The following PRLR variants were observed in gnomAD, a reference collection of about 807,000 sequenced individuals.
PRLR encodes the protein hPRL receptor.
A neutral mutation model predicts 40.2 loss-of-function variants in PRLR; 13 were observed. That is an observed-to-expected ratio of 0.32 (90% confidence interval 0.21 to 0.51). The LOEUF (loss-of-function observed/expected upper bound fraction) is 0.51, where lower values mean the gene tolerates loss of function less well. Among genes scored for constraint, PRLR ranks in the 20% least tolerant of loss-of-function variants. The pLI, the probability that PRLR is intolerant of heterozygous loss-of-function variation, is 0.97. For missense variants in PRLR, 656 were observed against 747.3 expected, an observed-to-expected ratio of 0.88 and a Z score of 1.42; for synonymous variants, 269 against 278.7, an observed-to-expected ratio of 0.97 and a Z score of 0.35.
chr5:35,171,178 T>C (rs1000361725), intron 1 of PRLR, among the ~76,000 whole-genome samples: 1 of 152,066 alleles, frequency 6.6e-6, no homozygotes, highest in Admixed American at 6.6e-5. Context: ...CCATAATTAC[T>C]GCAGCAAACA....
intron 1 of PRLR, among the ~76,000 whole-genome samples, chr5:35,169,130 T>G (rs1774928406): frequency 6.6e-6 from 1 of 152,144 alleles, no homozygotes; most frequent in African/African-American, 2.4e-5. Context: ...TGTATAGGCT[T>G]TCATTCCAGC....
chr5:35,136,711 C>T (rs1198830236), intron 1 of PRLR, among the ~76,000 whole-genome samples: 3 of 152,132 alleles, frequency 2.0e-5, no homozygotes, highest in African/African-American at 4.8e-5. Flanking sequence ...TCAACCTCAC[C>T]GGCTCCCACT....
chr5:35,176,525 C>T (rs868019570), intron 1 of PRLR, among the ~76,000 whole-genome samples: 7 of 152,182 alleles, frequency 4.6e-5, no homozygotes, highest in African/African-American at 1.4e-4. Context: ...CCCCCAACCC[C>T]GTGCTCTCTG....
At chr5:35,208,359 C>G (rs1311999749) in intron 1 of PRLR, among the ~76,000 whole-genome samples, 3 of 152,168 alleles carry the variant, frequency 2.0e-5, no homozygotes, top group African/African-American at 4.8e-5. Context: ...TCCCCCAGGT[C>G]CAGATCAGGT....
intron 1 of PRLR, among the ~76,000 whole-genome samples, chr5:35,146,658 C>T (rs1774189707): frequency 1.3e-5 from 2 of 152,186 alleles, no homozygotes; most frequent in Non-Finnish European, 2.9e-5. Flanking sequence ...AGACTTAATT[C>T]CTCTCTCTGC....
intron 1 of PRLR, among the ~76,000 whole-genome samples, chr5:35,183,383 G>A (rs1242054244): frequency 3.3e-5 from 5 of 152,050 alleles, no homozygotes; most frequent in African/African-American, 1.2e-4. Flanking sequence ...TTTCCTTGTC[G>A]CCCCCCAATG....
chr5:35,064,483 A>G lies in PRLR; in HGVS notation c.*606T>C, dbSNP rs1012471583. ...TTTAGGGGGAAAATCCATGCTTAAC[A>G]TATCTAAACTATTTTAAGAAAAAAT... On this transcript the variant is annotated 3_prime_UTR_variant, in exon 10 of 10. Coordinates refer to ENST00000618457, the MANE Select transcript of PRLR (RefSeq NM_000949.7). The G allele has an allele frequency of 6.6e-6, 1 of 152,650 alleles. No homozygotes were observed. The highest frequency in any genetic ancestry group is 1.5e-5 in the Non-Finnish European group (1 of 68,046). 9.5% of individuals were successfully genotyped at this position (152,650 alleles called of 1,614,324 possible). A position where few individuals can be genotyped will look rare whatever the true frequency, so the allele number is the denominator to read the frequency against.
At chr5:35,200,569 G>C (rs1775855280) in intron 1 of PRLR, among the ~76,000 whole-genome samples, 1 of 152,188 alleles carries the variant, frequency 6.6e-6, no homozygotes, top group Non-Finnish European at 1.5e-5. Context: ...CCAAGAACAA[G>C]GCTTTTCTTA....
intron 1 of PRLR, among the ~76,000 whole-genome samples, chr5:35,155,260 A>G (rs1036559858): frequency 3.6e-5 from 5 of 137,046 alleles, no homozygotes; most frequent in African/African-American, 1.1e-4. Flanking sequence ...TGCTTTCTCA[A>G]TAACAGTGAT....
chr5:35,072,752 A>T lies in PRLR; in HGVS notation c.374-8T>A. ...AAGGAGGGTCTGGCTGAACTGCAGAAATACAGCAAATGCCAGTAGCACTCA... is the reference window on the plus strand; with the variant it reads ...AAGGAGGGTCTGGCTGAACTGCAGATATACAGCAAATGCCAGTAGCACTCA... On this transcript the variant is annotated splice_polypyrimidine_tract_variant and splice_region_variant and intron_variant, in intron 5 of 9. Coordinates refer to ENST00000618457, the MANE Select transcript of PRLR (RefSeq NM_000949.7). 6.2e-7 allele frequency: 1 copy of T among 1,613,424 alleles called. No homozygotes were observed.
At chr5:35,086,115 A>G in intron 4 of PRLR, 93 bp downstream of exon 4, 3 of 1,477,586 alleles carry the variant, frequency 2.0e-6, no homozygotes, top group Admixed American at 1.9e-5. Context: ...GTGTAAATTC[A>G]GGGATGTGCT....
chr5:35,226,610 C>T lies in PRLR; in HGVS notation c.-106+3658G>A, dbSNP rs901723294. On this transcript the variant is annotated intron_variant, in intron 1 of 9. Transcript: ENST00000618457. ...TCTTGAGAGTTCTGCTAAGGTAGCC[C>T]TTTCCCTAGACTTTCACAGGGCTGG... 8.5e-5 allele frequency among the ~76,000 whole-genome samples: 13 copies of T among 152,276 alleles called. 1 individual carries two copies. The South Asian group carries it at 1.0e-3, about 12-fold the overall frequency.
chr5:35,209,424 G>C (rs1776110389), intron 1 of PRLR, among the ~76,000 whole-genome samples: 1 of 151,676 alleles, frequency 6.6e-6, no homozygotes, highest in Non-Finnish European at 1.5e-5. Flanking sequence ...GGCAAAATGA[G>C]TAGAGAGGTA....
intron 1 of PRLR, among the ~76,000 whole-genome samples, chr5:35,128,461 T>C (rs1773543481): frequency 6.6e-6 from 1 of 151,914 alleles, no homozygotes; most frequent in Admixed American, 6.6e-5. Context: ...AAATAGCAAG[T>C]GAATATTTGT....
intron 1 of PRLR, among the ~76,000 whole-genome samples, chr5:35,182,768 A>G: frequency 6.6e-6 from 1 of 152,078 alleles, no homozygotes; most frequent in East Asian, 1.9e-4. Context: ...CAGGATTTAA[A>G]CCCCTGTGGG....
intron 1 of PRLR, among the ~76,000 whole-genome samples, chr5:35,174,092 T>TC (rs1775077162): frequency 6.6e-6 from 1 of 151,540 alleles, no homozygotes; most frequent in East Asian, 1.9e-4. Context: ...GTTCGGTTTT[T>TC]TTTTTTTTTT....
rs1230418924 is a variant in PRLR, at chr5:35,115,559, A to G, written c.-44+2502T>C. Reference sequence around the variant, plus strand: ...TCCCGAGGACCCTGGGCTGCTTCTAATCTCCTCTTGGCTTCTTGCAGTCTG... The same window carrying G: ...TCCCGAGGACCCTGGGCTGCTTCTAGTCTCCTCTTGGCTTCTTGCAGTCTG... On this transcript the variant is annotated intron_variant, in intron 2 of 9. Transcript: ENST00000618457. Among the ~76,000 whole-genome samples the G allele has an allele frequency of 2.0e-5, 3 of 152,096 alleles. 1 individual carries two copies. The highest frequency in any genetic ancestry group is 1.3e-4 in the Admixed American group (2 of 15,254).
chr5:35,136,950 G>GAAAAAGGA (rs531685805), intron 1 of PRLR, among the ~76,000 whole-genome samples: 123 of 119,942 alleles, frequency 1.0e-3, no homozygotes, highest in Middle Eastern at 4.5e-3. Context: ...GAAAGAAAAA[G>GAAAAAGGA]AAAAAAAAAA....
chr5:35,190,384 C>T (rs943311989), intron 1 of PRLR, among the ~76,000 whole-genome samples: 18 of 152,224 alleles, frequency 1.2e-4, no homozygotes, highest in East Asian at 1.9e-4. Context: ...GCGAGTGGAT[C>T]GCTTGAGGTC....
Sources: gnomAD v4.1 joint callset for allele counts (sites outside exome capture counted in the v4.1 genomes callset) on GRCh38, gnomAD v4.1.1 for gene constraint, MANE v1.5 for transcripts, NCBI Gene and HGNC (gene_info 2026-07-23, HGNC 2026-07-21) for gene names.